Variants in CBLC observed in about 807,000 individuals in gnomAD.
CBLC encodes E3 ubiquitin-protein ligase CBL-C.
A neutral mutation model predicts 58.6 loss-of-function variants in CBLC; 46 were observed. That is an observed-to-expected ratio of 0.79 (90% CI 0.62 to 1.00). CBLC has a LOEUF of 1.00. Among genes scored for constraint, CBLC ranks in the 50% least tolerant of loss-of-function variants. The pLI is 0.00. For synonymous variants in CBLC, 271 were observed against 264.2 expected, an observed-to-expected ratio of 1.03 and a Z score of -0.25; for missense variants, 655 against 625.8, an observed-to-expected ratio of 1.05 and a Z score of -0.50.
At chr19:44,784,531 C>A in intron 5 of CBLC, 130 bp downstream of exon 5, 2 of 884,906 alleles carry the variant, frequency 2.3e-6, no homozygotes, top group Non-Finnish European at 3.2e-6. Flanking sequence ...CTCAAATCTG[C>A]AGTACTACAA....
At chr19:44,796,079 G>T (rs1339126666) in intron 9 of CBLC, among the ~76,000 whole-genome samples, 1 of 152,098 alleles carries the variant, frequency 6.6e-6, no homozygotes, top group African/African-American at 2.4e-5. Flanking sequence ...GCTGGGCGTG[G>T]TGGCGCACAC....
chr19:44,779,439 T>G (rs1289182364), intron 1 of CBLC, among the ~76,000 whole-genome samples: 1 of 152,138 alleles, frequency 6.6e-6, no homozygotes, highest in African/African-American at 2.4e-5. Flanking sequence ...TGTTCTGCAC[T>G]GAGGAAGGAA....
intron 5 of CBLC, among the ~76,000 whole-genome samples, chr19:44,788,991 C>T (rs1967979339): frequency 6.6e-6 from 1 of 152,150 alleles, no homozygotes; most frequent in Admixed American, 6.6e-5. Context: ...CCAGGCAGGG[C>T]CACTAGCCTC....
chr19:44,780,972 G>C lies in CBLC; in HGVS notation c.421G>C (p.Gly141Arg), dbSNP rs377440313. Residue 141 changes from glycine to arginine, a missense_variant, in exon 2 of 11, where the codon GGG (glycine) becomes CGG (arginine). Gly to Arg is a moderately radical substitution (Grantham distance 125). Around this residue, in one of 3 missense-constraint regions of CBLC, gnomAD observed 280 missense variants for 237.2 expected, o/e 1.18. Transcript: ENST00000647358. Reference protein sequence around the residue: ...MHAELHALFPGGKYCGHMYQL... With the variant: ...MHAELHALFPRGKYCGHMYQL... ...CGCAGAGCTGCACGCACTCTTCCCC[G>C]GGGGAAAGTACTGTGGACACATGTA... 6 of 1,613,282 alleles carry C rather than the reference G, an allele frequency of 3.7e-6. No individual in the cohort carries two copies. The highest frequency in any genetic ancestry group is 1.6e-4 in the Middle Eastern group (1 of 6,072).
chr19:44,800,381 A>T lies in CBLC; in HGVS notation c.1363A>T (p.Arg455Ter). ...CCCTCTCAAAATATCTCCATTGCAG[A>T]GACTCCTAAAGGGGAACTCCCCTCC... ...RKPRNAQPKV[R>*]LLKGNSPPAA... The change falls in exon 10 of 11, where the codon AGA becomes TGA. Residue 455 changes from arginine to a stop codon, truncating the protein, a stop_gained and splice_region_variant. Coordinates refer to ENST00000647358, the MANE Select transcript of CBLC (RefSeq NM_012116.4). LOFTEE classifies it high-confidence loss of function. 6.2e-7 allele frequency: 1 copy of T among 1,609,524 alleles called. No homozygotes were observed. Among genetic ancestry groups the T allele is most frequent in the Non-Finnish European group, 8.5e-7 (1 of 1,175,896 alleles).
At position 44,784,363 on chromosome 19, in the gene CBLC, C is replaced by T. The variant is rs1568558161; in HGVS notation, c.879C>T (p.Pro293=). 6.2e-7 allele frequency: 1 copy of T among 1,600,282 alleles called. No homozygotes were observed. The highest frequency in any genetic ancestry group is 1.7e-5 in the Admixed American group (1 of 59,874). The change falls in exon 5 of 11, where the codon CCC becomes CCT. Residue 293 remains proline, a synonymous_variant. Coordinates refer to ENST00000647358, the MANE Select transcript of CBLC (RefSeq NM_012116.4). ...SILQTIPANK[P]LSQVLLEGQK... is the part of the protein sequence containing the mutation. ...TGCAGACCATCCCTGCCAACAAACCCCTGTCCCAGGTGCTCCTGGAGGGAC... is the reference window on the plus strand; with the variant it reads ...TGCAGACCATCCCTGCCAACAAACCTCTGTCCCAGGTGCTCCTGGAGGGAC...
chr19:44,798,736 CA>C (rs1968228652), intron 9 of CBLC, among the ~76,000 whole-genome samples: 1 of 151,898 alleles, frequency 6.6e-6, no homozygotes, highest in Non-Finnish European at 1.5e-5. Flanking sequence ...AACTCCGTCT[CA>C]AAAAGAAAGA....
At position 44,778,100 on chromosome 19, in the gene CBLC, G is replaced by C. The variant is rs943884863; in HGVS notation, c.169G>C (p.Glu57Gln). The C allele has an allele frequency of 6.2e-7, 1 of 1,605,154 alleles. No individual in the cohort carries two copies. The highest frequency in any genetic ancestry group is 1.7e-5 in the Admixed American group (1 of 59,300). The change falls in exon 1 of 11, where the codon GAG (glutamate) becomes CAG (glutamine). Residue 57 changes from glutamate to glutamine, a missense_variant. Physicochemically the swap from Glu to Gln is conservative, Grantham distance 29. Coordinates refer to ENST00000647358, the MANE Select transcript of CBLC (RefSeq NM_012116.4). The part of the protein sequence containing the change: ...LLPRTAQLLR[E>Q]VAHSRRAAGG... The stretch of plus-strand genomic sequence containing the variant: ...GCCCCGCACAGCGCAGCTGCTTCGA[G>C]AGGTGGCCCATTCTCGGCGGGCGGC...
intron 5 of CBLC, among the ~76,000 whole-genome samples, chr19:44,788,216 C>T (rs925599853): frequency 6.6e-6 from 1 of 151,942 alleles, no homozygotes; most frequent in African/African-American, 2.4e-5. Flanking sequence ...CTCCCAGGCT[C>T]AGGGGATTCT....
chr19:44,788,801 C>A (rs1404332190), intron 5 of CBLC, among the ~76,000 whole-genome samples: 1 of 152,210 alleles, frequency 6.6e-6, no homozygotes, highest in African/African-American at 2.4e-5. Flanking sequence ...CTGTACCCGG[C>A]CAGCACTGTC....
At chr19:44,792,341 A>G (rs374760707) in intron 6 of CBLC, 42 bp from the exon 7 acceptor site, 1 of 1,608,888 alleles carries the variant, frequency 6.2e-7, no homozygotes, top group Non-Finnish European at 8.5e-7. Flanking sequence ...CCCGTGGCTG[A>G]CGCATGCCCC....
chr19:44,784,954 T>TG (rs1568558648), intron 5 of CBLC, among the ~76,000 whole-genome samples: 5 of 90,936 alleles, frequency 5.5e-5, no homozygotes, highest in Admixed American at 1.1e-4. Flanking sequence ...ACAGGTGTTT[T>TG]TTTTTTTTTT....
intron 6 of CBLC, among the ~76,000 whole-genome samples, chr19:44,791,852 A>G (rs1309544546): frequency 6.6e-6 from 1 of 151,838 alleles, no homozygotes; most frequent in African/African-American, 2.4e-5. Context: ...TTTTTTAAAT[A>G]GAGACGGGGT....
At chr19:44,782,327 G>A (rs375885308) in intron 3 of CBLC, 43 bp from the exon 4 acceptor site, 117 of 1,611,418 alleles carry the variant, frequency 7.3e-5, no homozygotes, top group Non-Finnish European at 9.1e-5. Flanking sequence ...GATGTGAGCT[G>A]CTTCCCTGGT....
At chr19:44,783,351 A>G (rs926873773) in intron 4 of CBLC, among the ~76,000 whole-genome samples, 11 of 152,146 alleles carry the variant, frequency 7.2e-5, no homozygotes, top group Non-Finnish European at 4.4e-5. Flanking sequence ...TACTAAAAAT[A>G]CCAAAAATTT....
At chr19:44,799,769 AAGGG>A (rs376125303) in intron 9 of CBLC, among the ~76,000 whole-genome samples, 5 of 151,278 alleles carry the variant, frequency 3.3e-5, no homozygotes, top group African/African-American at 1.2e-4. Flanking sequence ...AAAAGAAAGA[AAGGG>A]AGGGAGGGAA....
intron 5 of CBLC, among the ~76,000 whole-genome samples, chr19:44,789,510 T>A (rs530765582): frequency 1.2e-4 from 19 of 152,026 alleles, no homozygotes; most frequent in Non-Finnish European, 2.8e-4. Context: ...TTCAAGCAAT[T>A]CTCCTGACTC....
In CBLC at chr19:44,793,552, G is replaced by A. The variant is rs368494441; in HGVS notation, c.1216G>A (p.Gly406Ser). The A allele has an allele frequency of 2.2e-5, 36 of 1,611,688 alleles. No homozygotes were observed. The highest frequency in any genetic ancestry group is 1.6e-4 in the Middle Eastern group (1 of 6,082). ...GGCCGTGAGTATCTACCAGTTCCAC[G>A]GTCAGGCTACTGCTGAGGACTCAGG... ...WEAVSIYQFH[G>S]QATAEDSGNS... Residue 406 changes from glycine to serine, a missense_variant, in exon 8 of 11, where the codon GGT becomes AGT. By Grantham distance (56) the Gly-to-Ser change is moderately conservative. Transcript: ENST00000647358.
intron 4 of CBLC, among the ~76,000 whole-genome samples, chr19:44,783,606 G>A (rs1599860879): frequency 6.6e-6 from 1 of 151,120 alleles, no homozygotes; most frequent in South Asian, 2.1e-4. Flanking sequence ...ACTTGAACTC[G>A]AAAGGTGGAG....
Sources: gnomAD v4.1 joint callset for allele counts (sites outside exome capture counted in the v4.1 genomes callset) on GRCh38, gnomAD v4.1.1 for gene constraint, gnomAD v4.1.1 regional missense constraint, MANE v1.5 for transcripts, NCBI Gene and HGNC (gene_info 2026-07-23, HGNC 2026-07-21) for gene names.